GAD1: variants seen among roughly 807,000 people sequenced by gnomAD.
GAD1 encodes the protein 67 kDa glutamic acid decarboxylase.
Under a neutral mutation model 75.2 loss-of-function variants are expected in GAD1, and 35 were observed. The observed-to-expected ratio is 0.47, with a 90% CI of 0.36 to 0.62. The LOEUF (loss-of-function observed/expected upper bound fraction) is 0.62. GAD1 is among the 20% of genes least tolerant of loss of function. The pLI, the probability that GAD1 is intolerant of heterozygous loss-of-function variation, is 0.00. For synonymous variants in GAD1, 257 were observed against 271.9 expected (o/e 0.95, Z 0.54); for missense variants, 490 against 758.5 (o/e 0.65, Z 4.16).
chr2:170,859,823 AC>A lies in GAD1; in HGVS notation c.1729del (p.Gln577SerfsTer11). 1.2e-6 allele frequency: 2 copies of A among 1,614,134 alleles called. No individual in the cohort carries two copies. Among genetic ancestry groups the A allele is most frequent in the Non-Finnish European group, 1.7e-6 (2 of 1,180,036 alleles). ...FRMVISNPAA[T>X]QSDIDFLIEE... ...GATGGTCATCTCCAACCCAGCCGCT[AC>A]CCAGTCTGACATTGACTTCCTCATT... On this transcript the variant is annotated frameshift_variant, in exon 17 of 17. Transcript: ENST00000358196. LOFTEE classifies it high-confidence loss of function.
chr2:170,819,079 G>C (rs1479841843), intron 2 of GAD1, among the ~76,000 whole-genome samples: 1 of 152,192 alleles, frequency 6.6e-6, no homozygotes, highest in Non-Finnish European at 1.5e-5. Context: ...GTTGAGCCAA[G>C]ATCTGACCTC....
chr2:170,831,218 G>C (rs776401762), intron 5 of GAD1, 26 bp downstream of exon 5: 1 of 1,613,648 alleles, frequency 6.2e-7, no homozygotes, highest in Non-Finnish European at 8.5e-7. Flanking sequence ...GGGTAGACAG[G>C]TAGTGGCAAC....
chr2:170,829,190 T>A, intron 3 of GAD1: 1 of 465,564 alleles, frequency 2.1e-6, no homozygotes, highest in South Asian at 2.1e-5. Flanking sequence ...GCTGTCCAAC[T>A]TACTTAATTG....
chr2:170,836,913 C>A (rs768862433), intron 6 of GAD1, 30 bp downstream of exon 6: 22 of 1,465,064 alleles, frequency 1.5e-5, no homozygotes, highest in South Asian at 3.4e-5. Flanking sequence ...ATATAAGCAA[C>A]CCTGATGTAT....
At chr2:170,855,872 C>CAAAAAAAAAA (rs71008727) in intron 14 of GAD1, among the ~76,000 whole-genome samples, 4 of 111,672 alleles carry the variant, frequency 3.6e-5, no homozygotes, top group Non-Finnish European at 1.7e-5. Flanking sequence ...GACTCCATCT[C>CAAAAAAAAAA]AAAAAAAAAA....
At chr2:170,815,552 A>C (rs1459757027), upstream of GAD1, among the ~76,000 whole-genome samples, 1 of 152,270 alleles carries the variant, frequency 6.6e-6, no homozygotes, top group East Asian at 1.9e-4. Context: ...GCATTCAAAG[A>C]AAACGGACGG....
At chr2:170,828,740 CCCTCTGCTGTCCTCGCCCTCCTA>C (rs1559272608) in intron 3 of GAD1, among the ~76,000 whole-genome samples, 21 of 147,208 alleles carry the variant, frequency 1.4e-4, no homozygotes, top group African/African-American at 4.5e-4. Context: ...TCACCCTCCT[CCCTCTGCTGTCCTCGCCCTCCTA>C]CCTCTGCTGT....
chr2:170,853,889 G>A lies in GAD1; in HGVS notation c.1280G>A (p.Cys427Tyr). ...CCATGATAGGGTATACTCCAAGGAT[G>A]CAACCAGATGTGTGCAGGATACCTC... The part of the protein sequence containing the change: ...LVKEKGILQG[C>Y]NQMCAGYLFQ... The change falls in exon 14 of 17, where the codon TGC becomes TAC. Residue 427 changes from cysteine (C) to tyrosine (Y), a missense_variant. Coordinates refer to ENST00000358196, the MANE Select transcript of GAD1 (RefSeq NM_000817.3). This position sits in a 1 kb window ranked among gnomAD's most constrained non-coding sequence, Gnocchi z 4.1. The A allele has an allele frequency of 6.2e-7, 1 of 1,614,166 alleles. No individual in the cohort carries two copies. The highest frequency in any genetic ancestry group is 8.5e-7 in the Non-Finnish European group (1 of 1,180,032).
chr2:170,845,483 C>T, intron 7 of GAD1, 23 bp from the exon 8 acceptor site: 1 of 1,599,436 alleles, frequency 6.3e-7, no homozygotes, highest in African/African-American at 1.3e-5. Context: ...CCAACACCTC[C>T]CAATATGTCC....
intron 5 of GAD1, among the ~76,000 whole-genome samples, chr2:170,834,355 AAATAATG>A (rs1217101853): frequency 5.3e-5 from 8 of 152,254 alleles, no homozygotes; most frequent in African/African-American, 1.7e-4. Flanking sequence ...GGCTCAGCCA[AAATAATG>A]AATTGGGTTT....
At chr2:170,839,855 C>A (rs1054757730) in intron 6 of GAD1, among the ~76,000 whole-genome samples, 13 of 152,186 alleles carry the variant, frequency 8.5e-5, no homozygotes, top group African/African-American at 2.9e-4. Flanking sequence ...AATACATAAT[C>A]TTAATGGCAA....
chr2:170,822,103 C>T lies in GAD1; in HGVS notation c.99C>T (p.Cys33=), dbSNP rs1384466671. ...NLRPTTYDTW[C]GVAHGCTRKL... ...TCGTCCTAGCGTACGATACCTGGTG[C>T]GGCGTGGCCCATGGATGCACCAGAA... Residue 33 remains cysteine, a synonymous_variant, in exon 3 of 17, where the codon TGC becomes TGT. Transcript: ENST00000358196. 1 of 1,611,042 alleles carries T rather than the reference C, an allele frequency of 6.2e-7. No homozygotes were observed. The highest frequency in any genetic ancestry group is 1.7e-4 in the Middle Eastern group (1 of 6,060).
chr2:170,841,972 C>T (rs1490517291), intron 6 of GAD1, among the ~76,000 whole-genome samples: 1 of 152,168 alleles, frequency 6.6e-6, no homozygotes, highest in Non-Finnish European at 1.5e-5. Flanking sequence ...AATAGCCACT[C>T]AGTAAGTATT....
chr2:170,825,290 G>A (rs879297860), intron 3 of GAD1, among the ~76,000 whole-genome samples: 16 of 152,132 alleles, frequency 1.1e-4, no homozygotes, highest in Non-Finnish European at 2.1e-4. Flanking sequence ...TCAGGAGGAT[G>A]AGGCAGGAGG....
chr2:170,858,569 G>A (rs1212064823), intron 15 of GAD1, among the ~76,000 whole-genome samples: 1 of 152,158 alleles, frequency 6.6e-6, no homozygotes, highest in Non-Finnish European at 1.5e-5. Context: ...AATGTTTAAA[G>A]TCGGTAACTT....
At chr2:170,817,812 G>C (rs1701749915) in intron 1 of GAD1, 1 of 152,536 alleles carries the variant, frequency 6.6e-6, no homozygotes, top group Non-Finnish European at 1.5e-5. Flanking sequence ...CCTCGCCCTA[G>C]GCTTAGCGAT....
chr2:170,816,123 A>G (rs768994748), upstream of GAD1: 6 of 152,272 alleles, frequency 3.9e-5, no homozygotes, highest in Non-Finnish European at 7.3e-5. Flanking sequence ...CGTGCGTGTC[A>G]TCAACCTTCA....
intron 6 of GAD1, among the ~76,000 whole-genome samples, chr2:170,839,793 C>T (rs1355843863): frequency 3.3e-5 from 5 of 152,116 alleles, no homozygotes; most frequent in African/African-American, 4.8e-5. Context: ...AGCACAATTG[C>T]GCAGGTAGGG....
chr2:170,818,508 A>T lies in GAD1; in HGVS notation c.-63-21A>T. The T allele has an allele frequency of 7.7e-7, 1 of 1,303,184 alleles. No individual in the cohort carries two copies. The highest frequency in any genetic ancestry group is 2.3e-5 in the East Asian group (1 of 43,384). The allele number at this position is 1,303,184 out of a possible 1,614,324, so 80.7% of individuals were successfully genotyped here. On this transcript the variant is annotated intron_variant, in intron 1 of 16. Transcript: ENST00000358196. The surrounding 1 kb of genome is among the most constrained non-coding windows in gnomAD (Gnocchi z 5.9). ...AGGACCCCGGAAGTCCTCCCCGCAC[A>T]GCTCTCGCTTCTCTTTGCAGCCTGT...
Sources: gnomAD v4.1 joint callset for allele counts (sites outside exome capture counted in the v4.1 genomes callset) on GRCh38, gnomAD v4.1.1 for gene constraint, Gnocchi (gnomAD v3.1) non-coding constraint, MANE v1.5 for transcripts, NCBI Gene and HGNC (gene_info 2026-07-23, HGNC 2026-07-21) for gene names.